The following VPS35L variants were observed in gnomAD, a reference collection of about 807,000 sequenced individuals.
VPS35L encodes the protein VPS35 endosomal protein-sorting factor-like.
VPS35L carries 83 observed loss-of-function variants against 133.0 expected under a neutral mutation model. The observed-to-expected ratio is 0.62, with a 90% CI of 0.52 to 0.75. The LOEUF is 0.75. VPS35L is among the 30% of genes least tolerant of loss of function. The pLI is 0.00. For synonymous variants in VPS35L, 423 were observed against 449.9 expected (o/e 0.94, Z 0.76); for missense variants, 1,083 against 1,206.8 (o/e 0.90, Z 1.52).
intron 1 of VPS35L, among the ~76,000 whole-genome samples, chr16:19,561,331 A>G (rs1265175685): frequency 2.0e-5 from 3 of 152,210 alleles, no homozygotes; most frequent in African/African-American, 7.2e-5. Context: ...AGATCGCGCC[A>G]CTGCACTCCA....
At chr16:19,561,769 A>T (rs1173847655) in intron 1 of VPS35L, among the ~76,000 whole-genome samples, 1 of 152,088 alleles carries the variant, frequency 6.6e-6, no homozygotes, top group African/African-American at 2.4e-5. Flanking sequence ...TTTTACTGGG[A>T]TGGGATATTT....
intron 23 of VPS35L, among the ~76,000 whole-genome samples, chr16:19,646,663 T>G (rs1973959685): frequency 7.5e-6 from 1 of 134,126 alleles, no homozygotes; most frequent in African/African-American, 2.7e-5. Context: ...AAACTCTGTC[T>G]TGGGAAAAAA....
chr16:19,682,909 TTGA>T (rs1975338144), intron 28 of VPS35L, among the ~76,000 whole-genome samples: 1 of 129,188 alleles, frequency 7.7e-6, no homozygotes, highest in Non-Finnish European at 1.7e-5. Context: ...CATCCTGCCC[TTGA>T]TTGATTGATT....
intron 26 of VPS35L, among the ~76,000 whole-genome samples, chr16:19,662,661 A>C (rs1041639013): frequency 4.0e-5 from 6 of 151,804 alleles, no homozygotes; most frequent in East Asian, 1.9e-4. Flanking sequence ...TTTAGATAAA[A>C]CCCCCCACAT....
At chr16:19,675,839 T>C (rs1160579186) in intron 27 of VPS35L, among the ~76,000 whole-genome samples, 1 of 151,664 alleles carries the variant, frequency 6.6e-6, no homozygotes, top group Non-Finnish European at 1.5e-5. Flanking sequence ...CATGAGCCAC[T>C]GCACCCGGTC....
intron 2 of VPS35L, among the ~76,000 whole-genome samples, chr16:19,565,499 C>T (rs1183257652): frequency 2.0e-5 from 3 of 152,054 alleles, no homozygotes; most frequent in Admixed American, 6.6e-5. Flanking sequence ...TGCACCATCA[C>T]GCTTGGCTAA....
intron 5 of VPS35L, among the ~76,000 whole-genome samples, chr16:19,575,855 T>TA (rs1319467052): frequency 7.2e-6 from 1 of 138,074 alleles, no homozygotes; most frequent in Non-Finnish European, 1.6e-5. Flanking sequence ...AATTCCGTAT[T>TA]AAAAAAATAT....
intron 20 of VPS35L, among the ~76,000 whole-genome samples, chr16:19,638,234 A>C (rs779221005): frequency 3.3e-5 from 5 of 152,194 alleles, no homozygotes; most frequent in Non-Finnish European, 5.9e-5. Flanking sequence ...ACATGTGCTC[A>C]CAAGATTGTA....
At chr16:19,608,800 C>A in intron 10 of VPS35L, 174 bp from the exon 11 acceptor site, 1 of 557,866 alleles carries the variant, frequency 1.8e-6, no homozygotes, top group Non-Finnish European at 3.2e-6. Flanking sequence ...AAGTATGAAA[C>A]TTTGAAAACC....
At chr16:19,643,179 A>G (rs1597388450) in intron 22 of VPS35L, among the ~76,000 whole-genome samples, 1 of 152,182 alleles carries the variant, frequency 6.6e-6, no homozygotes, top group African/African-American at 2.4e-5. Flanking sequence ...TTTCAAATTC[A>G]TGGGTAGTTA....
intron 3 of VPS35L, among the ~76,000 whole-genome samples, chr16:19,570,718 A>G (rs73531912): frequency 0.033 from 4,949 of 151,178 alleles, 261 homozygotes; most frequent in African/African-American, 0.11. Flanking sequence ...TGGAATCCTC[A>G]TTAAAGAGGC....
chr16:19,617,129 G>A, intron 14 of VPS35L: 1 of 566,254 alleles, frequency 1.8e-6, no homozygotes, highest in Non-Finnish European at 3.1e-6. Context: ...GCCAAGGTGG[G>A]AGGATCACTT....
chr16:19,687,842 G>A (rs1336005592), intron 28 of VPS35L, among the ~76,000 whole-genome samples: 1 of 152,088 alleles, frequency 6.6e-6, no homozygotes, highest in East Asian at 2.0e-4. Flanking sequence ...GCCGGGCGCG[G>A]TGGCTCATGC....
chr16:19,665,764 G>A (rs1433069461), intron 26 of VPS35L, among the ~76,000 whole-genome samples: 5 of 152,130 alleles, frequency 3.3e-5, no homozygotes, highest in Non-Finnish European at 5.9e-5. Flanking sequence ...ATTGTTCTCC[G>A]TAGTAGTTGT....
intron 21 of VPS35L, among the ~76,000 whole-genome samples, chr16:19,641,096 G>T (rs1973774090): frequency 1.3e-5 from 2 of 151,828 alleles, no homozygotes; most frequent in Admixed American, 1.3e-4. Flanking sequence ...GCAGAACCCT[G>T]CTCTGTCACC....
chr16:19,634,916 A>C (rs1251212207), intron 19 of VPS35L, among the ~76,000 whole-genome samples: 3 of 152,204 alleles, frequency 2.0e-5, no homozygotes, highest in Admixed American at 2.0e-4. Context: ...TGAGGAGCAA[A>C]AGGCCATCAT....
intron 1 of VPS35L, among the ~76,000 whole-genome samples, chr16:19,562,933 A>G (rs1260658927): frequency 6.6e-6 from 1 of 151,688 alleles, no homozygotes; most frequent in African/African-American, 2.4e-5. Context: ...TTATTTATTT[A>G]TTTATTTATT....
rs1251075923 is a variant in VPS35L, at chr16:19,699,649, G to A, written c.2793+1G>A. On this transcript the variant is annotated splice_donor_variant, in intron 30 of 30. Coordinates refer to ENST00000417362, the MANE Select transcript of VPS35L (RefSeq NM_020314.7). LOFTEE classifies it high-confidence loss of function. The surrounding 1 kb of genome is among the most constrained non-coding windows in gnomAD (Gnocchi z 4.2). ...CGGCTGTGCAGACACCAGGACCATGGTGAGGCGCTCGGAGGGCCCCGTGGT... is the reference window on the plus strand; with the variant it reads ...CGGCTGTGCAGACACCAGGACCATGATGAGGCGCTCGGAGGGCCCCGTGGT... 5.0e-6 allele frequency: 8 copies of A among 1,613,386 alleles called. No homozygotes were observed. The highest frequency in any genetic ancestry group is 6.8e-6 in the Non-Finnish European group (8 of 1,179,998).
chr16:19,672,659 C>T (rs887984381), intron 27 of VPS35L, among the ~76,000 whole-genome samples: 1 of 152,074 alleles, frequency 6.6e-6, no homozygotes, highest in Admixed American at 6.6e-5. Flanking sequence ...GGAGGATAGG[C>T]GGCACCCCAA....
Sources: allele counts gnomAD v4.1 joint callset (sites outside exome capture counted in the v4.1 genomes callset), GRCh38; gene constraint gnomAD v4.1.1; non-coding constraint Gnocchi (gnomAD v3.1); transcripts MANE v1.5; gene names NCBI Gene and HGNC (gene_info 2026-07-23, HGNC 2026-07-21).